The following FBRSL1 variants were observed in gnomAD, a reference collection of about 807,000 sequenced individuals.
FBRSL1 encodes fibrosin like 1.
FBRSL1 carries 51 observed loss-of-function variants against 89.6 expected under a neutral mutation model. The observed-to-expected ratio is 0.57, with a 90% confidence interval of 0.45 to 0.72. The LOEUF (loss-of-function observed/expected upper bound fraction) is 0.72. Among genes scored for constraint, FBRSL1 ranks in the 30% least tolerant of loss-of-function variants. FBRSL1 has a pLI of 0.00. For synonymous variants in FBRSL1, 779 were observed against 681.1 expected (o/e 1.14, Z -2.24); for missense variants, 1,618 against 1,451.8 (o/e 1.11, Z -1.86).
At chr12:132,495,014 C>T (rs540647065) in intron 1 of FBRSL1, among the ~76,000 whole-genome samples, 140 of 152,348 alleles carry the variant, frequency 9.2e-4, no homozygotes, top group African/African-American at 3.2e-3. Context: ...CGAGCTGTGA[C>T]CCCTGCTGAA....
chr12:132,515,498 G>C (rs1242245424), intron 2 of FBRSL1, among the ~76,000 whole-genome samples: 1 of 148,830 alleles, frequency 6.7e-6, no homozygotes, highest in Admixed American at 6.7e-5. Flanking sequence ...AAGAAGAAAG[G>C]TCTAGAATCT....
At chr12:132,528,945 C>A (rs1056736036) in intron 4 of FBRSL1, among the ~76,000 whole-genome samples, 5 of 152,188 alleles carry the variant, frequency 3.3e-5, no homozygotes, top group Non-Finnish European at 7.4e-5. Flanking sequence ...CCCCTGCCCC[C>A]CGGACCTGGA....
At chr12:132,569,022 C>T (rs552980159) in intron 6 of FBRSL1, among the ~76,000 whole-genome samples, 31 of 152,234 alleles carry the variant, frequency 2.0e-4, no homozygotes, top group African/African-American at 6.7e-4. Context: ...CTGCCGGGGA[C>T]GTGAACAGGA....
chr12:132,571,851 C>T (rs900403611), intron 9 of FBRSL1: 6 of 332,018 alleles, frequency 1.8e-5, no homozygotes, highest in African/African-American at 1.3e-4. Context: ...GACCATGACT[C>T]AGGGTGCCTC....
At chr12:132,512,555 T>G (rs2034461538) in intron 2 of FBRSL1, among the ~76,000 whole-genome samples, 1 of 152,222 alleles carries the variant, frequency 6.6e-6, no homozygotes. Flanking sequence ...CAGACGTCCC[T>G]GTTGTCAGGC....
intron 1 of FBRSL1, among the ~76,000 whole-genome samples, chr12:132,494,329 CAAG>C (rs2136324866): frequency 6.6e-6 from 1 of 152,340 alleles, no homozygotes; most frequent in African/African-American, 2.4e-5. Flanking sequence ...GGGGTCCTCC[CAAG>C]AAGACTGGGG....
chr12:132,569,145 C>T (rs2039834435), intron 6 of FBRSL1, among the ~76,000 whole-genome samples: 1 of 150,490 alleles, frequency 6.6e-6, no homozygotes, highest in African/African-American at 2.4e-5. Context: ...CTGCCCTCTC[C>T]TGACTCCTGG....
intron 5 of FBRSL1, among the ~76,000 whole-genome samples, chr12:132,562,588 G>T (rs1442355065): frequency 6.6e-6 from 1 of 152,178 alleles, no homozygotes; most frequent in Non-Finnish European, 1.5e-5. Flanking sequence ...GGACCGCACA[G>T]GGTGAGCAGA....
At chr12:132,571,744 G>A (rs1467581381) in intron 9 of FBRSL1, 1 of 361,038 alleles carries the variant, frequency 2.8e-6, no homozygotes, top group Non-Finnish European at 4.9e-6. Flanking sequence ...CCTGGACTTA[G>A]GCAGGCACCC....
At chr12:132,532,004 C>T (rs969302714) in intron 4 of FBRSL1, among the ~76,000 whole-genome samples, 6 of 152,226 alleles carry the variant, frequency 3.9e-5, no homozygotes, top group Non-Finnish European at 8.8e-5. Flanking sequence ...TGGTGACTGA[C>T]TCCAGCGTGG....
intron 5 of FBRSL1, 122 bp downstream of exon 5, chr12:132,548,154 C>A: frequency 8.2e-7 from 1 of 1,214,196 alleles, no homozygotes; most frequent in Non-Finnish European, 1.2e-6. Context: ...GATCCCCCCG[C>A]CCGGTGGGTG....
intron 2 of FBRSL1, among the ~76,000 whole-genome samples, chr12:132,517,993 G>T (rs1021467543): frequency 6.6e-6 from 1 of 152,040 alleles, no homozygotes; most frequent in Admixed American, 6.5e-5. Flanking sequence ...GAGTCCAGTG[G>T]CCCCAACTCC....
intron 4 of FBRSL1, among the ~76,000 whole-genome samples, chr12:132,531,410 T>C (rs1254183160): frequency 6.6e-6 from 1 of 151,936 alleles, no homozygotes; most frequent in African/African-American, 2.4e-5. Flanking sequence ...TGCGTGCATG[T>C]GTGCATGTGC....
In FBRSL1 at chr12:132,582,103, G is replaced by A. The variant is rs1316442628; in HGVS notation, c.2038G>A (p.Val680Met). The A allele has an allele frequency of 6.5e-7, 1 of 1,549,576 alleles. No individual in the cohort carries two copies. Among genetic ancestry groups the A allele is most frequent in the Admixed American group, 2.0e-5 (1 of 50,974 alleles). ...CTTTGCCCCCAAGGAGGGCTCCTCC[G>A]TGCACGGCCTGCCCAGCCCCCATGA... is the stretch of plus-strand genomic sequence containing the variant. Reference protein sequence around the residue: ...SIFAPKEGSSVHGLPSPHEAW... With the variant: ...SIFAPKEGSSMHGLPSPHEAW... Residue 680 changes from valine (V) to methionine (M), a missense_variant, in exon 18 of 19, where the codon GTG becomes ATG. Coordinates refer to ENST00000680143, the MANE Select transcript of FBRSL1 (RefSeq NM_001367871.1).
At chr12:132,570,605 G>A (rs2039944176) in intron 8 of FBRSL1, 65 bp downstream of exon 8, 2 of 1,346,606 alleles carry the variant, frequency 1.5e-6, no homozygotes, top group Non-Finnish European at 2.0e-6. Flanking sequence ...ACGGCCACCG[G>A]GGAGGGGCGC....
At position 132,583,368 on chromosome 12, in the gene FBRSL1, GCTGCCGCCCCCGCCCCGGGCT is replaced by G. The variant is rs1197590236; in HGVS notation, c.2601_2621del (p.Pro870_Ala876del). 3 of 1,113,078 alleles carry G rather than the reference GCTGCCGCCCCCGCCCCGGGCT, an allele frequency of 2.7e-6. No homozygotes were observed. The Admixed American group carries it at 1.6e-4, about 59-fold the overall frequency. 69.0% of individuals were successfully genotyped at this position (1,113,078 alleles called of 1,614,324 possible). On this transcript the variant is annotated inframe_deletion, in exon 19 of 19. Coordinates refer to ENST00000680143, the MANE Select transcript of FBRSL1 (RefSeq NM_001367871.1). ...GGAGCTGCCACGTCGCGCCTTCCCC[GCTGCCGCCCCCGCCCCGGGCT>G]CCGCCGCCCTCTTGGAGCCCCCGGA... is the stretch of plus-strand genomic sequence containing the variant.
chr12:132,561,710 C>T (rs996628808), intron 5 of FBRSL1, among the ~76,000 whole-genome samples: 11 of 152,266 alleles, frequency 7.2e-5, no homozygotes, highest in East Asian at 5.8e-4. Context: ...AAACCCGGGA[C>T]GCCAGCCAAG....
At chr12:132,567,657 G>C (rs775985599) in intron 6 of FBRSL1, 131 bp downstream of exon 6, 9 of 932,344 alleles carry the variant, frequency 9.7e-6, no homozygotes, top group South Asian at 3.2e-5. Flanking sequence ...GAGCTGGGTG[G>C]GACCAGGGTG....
Position 132,583,322 on chromosome 12 carries a change from G to A in FBRSL1, c.2553G>A (p.Ala851=), listed in dbSNP as rs1388749856. The A allele has an allele frequency of 1.7e-6, 2 of 1,193,088 alleles. No homozygotes were observed. The highest frequency in any genetic ancestry group is 2.1e-6 in the Non-Finnish European group (2 of 960,414). The allele number at this position is 1,193,088 out of a possible 1,614,324, so 73.9% of individuals were successfully genotyped here. Residue 851 remains alanine, a synonymous_variant, in exon 19 of 19, where the codon GCG becomes GCA. Transcript: ENST00000680143. ...AGCGCCTGGGCGCGCCGGGCTTCGCGTGGGAGCCTTTCCGCGGCCTGGAGC... is the reference window on the plus strand; with the variant it reads ...AGCGCCTGGGCGCGCCGGGCTTCGCATGGGAGCCTTTCCGCGGCCTGGAGC... The part of the protein sequence containing the change: ...GRERLGAPGF[A]WEPFRGLELP...
Sources: allele counts gnomAD v4.1 joint callset (sites outside exome capture counted in the v4.1 genomes callset), GRCh38; gene constraint gnomAD v4.1.1; transcripts MANE v1.5; gene names NCBI Gene and HGNC (gene_info 2026-07-23, HGNC 2026-07-21).